Variants in PXDNL observed in about 807,000 individuals in gnomAD.
PXDNL encodes the protein peroxidasin like, also known as probable oxidoreductase PXDNL.
PXDNL carries 145 observed loss-of-function variants against 150.8 expected under a neutral mutation model. The observed-to-expected ratio is 0.96, with a 90% confidence interval of 0.84 to 1.10. PXDNL has a LOEUF of 1.10. Among genes scored for constraint, PXDNL ranks in the 50% least tolerant of loss-of-function variants. The pLI, the probability that PXDNL is intolerant of heterozygous loss-of-function variation, is 0.00. For synonymous variants in PXDNL, 757 were observed against 725.7 expected (o/e 1.04, Z -0.69); for missense variants, 2,087 against 1,873.9 (o/e 1.11, Z -2.10).
intron 19 of PXDNL, among the ~76,000 whole-genome samples, chr8:51,351,865 A>G (rs192065895): frequency 2.6e-5 from 4 of 152,182 alleles, no homozygotes; most frequent in Admixed American, 2.0e-4. Flanking sequence ...GAAAAATGTT[A>G]TCTCCACAAC....
chr8:51,617,193 A>G (rs1814147530), intron 2 of PXDNL, among the ~76,000 whole-genome samples: 1 of 152,236 alleles, frequency 6.6e-6, no homozygotes, highest in Admixed American at 6.5e-5. Flanking sequence ...ATCTTCCTCA[A>G]TCTCTATAAA....
chr8:51,691,351 G>A (rs1275999567), intron 1 of PXDNL, among the ~76,000 whole-genome samples: 4 of 152,118 alleles, frequency 2.6e-5, no homozygotes, highest in Non-Finnish European at 5.9e-5. Flanking sequence ...TTTGTATAAG[G>A]TGTAAGGAAG....
At chr8:51,793,916 T>TG (rs2037537523) in intron 1 of PXDNL, among the ~76,000 whole-genome samples, 1 of 150,158 alleles carries the variant, frequency 6.7e-6, no homozygotes, top group African/African-American at 2.5e-5. Flanking sequence ...CAACAAAAGA[T>TG]GGAAAAAAAA....
intron 8 of PXDNL, among the ~76,000 whole-genome samples, chr8:51,470,386 G>T (rs1810300613): frequency 6.6e-6 from 1 of 151,898 alleles, no homozygotes; most frequent in African/African-American, 2.4e-5. Context: ...AAGCAAAAAA[G>T]TTGTATAATA....
At chr8:51,453,045 C>T (rs1809845363) in intron 10 of PXDNL, among the ~76,000 whole-genome samples, 1 of 152,012 alleles carries the variant, frequency 6.6e-6, no homozygotes, top group South Asian at 2.1e-4. Flanking sequence ...CGATTGCATG[C>T]CCATGCATAT....
chr8:51,666,576 G>A (rs1252151888), intron 1 of PXDNL, among the ~76,000 whole-genome samples: 1 of 151,814 alleles, frequency 6.6e-6, no homozygotes, highest in Non-Finnish European at 1.5e-5. Flanking sequence ...CTAATAAATG[G>A]GCGTACCAAA....
chr8:51,517,126 T>A (rs1585542610), intron 4 of PXDNL, among the ~76,000 whole-genome samples: 1 of 152,198 alleles, frequency 6.6e-6, no homozygotes, highest in Non-Finnish European at 1.5e-5. Flanking sequence ...GATTGAATAT[T>A]ATATTTGCCC....
chr8:51,402,141 T>C (rs538686595), intron 17 of PXDNL, among the ~76,000 whole-genome samples: 1 of 152,328 alleles, frequency 6.6e-6, no homozygotes, highest in East Asian at 1.9e-4. Context: ...TTTGTTAATT[T>C]GTCTATTTTT....
At chr8:51,608,720 C>A (rs1198897250) in intron 2 of PXDNL, among the ~76,000 whole-genome samples, 1 of 150,096 alleles carries the variant, frequency 6.7e-6, no homozygotes, top group Non-Finnish European at 1.5e-5. Flanking sequence ...GCCTGTAGTC[C>A]CAGCTGCTCG....
intron 1 of PXDNL, among the ~76,000 whole-genome samples, chr8:51,719,021 C>A (rs113320784): frequency 6.6e-6 from 1 of 151,832 alleles, no homozygotes; most frequent in African/African-American, 2.4e-5. Flanking sequence ...CCAGCCGCCC[C>A]GTCCGGGAGG....
intron 2 of PXDNL, among the ~76,000 whole-genome samples, chr8:51,612,817 G>C (rs1312524573): frequency 1.3e-5 from 2 of 152,200 alleles, no homozygotes; most frequent in African/African-American, 4.8e-5. Flanking sequence ...TTATTCATAA[G>C]CCACTCAGTC....
At chr8:51,765,015 C>A (rs549789269) in intron 1 of PXDNL, among the ~76,000 whole-genome samples, 1 of 152,092 alleles carries the variant, frequency 6.6e-6, no homozygotes, top group South Asian at 2.1e-4. Context: ...ATGAACTAAC[C>A]ATTTCATTAT....
intron 3 of PXDNL, among the ~76,000 whole-genome samples, chr8:51,560,642 A>G (rs1467944293): frequency 6.6e-6 from 1 of 151,958 alleles, no homozygotes; most frequent in African/African-American, 2.4e-5. Flanking sequence ...ACCATATACA[A>G]AAATTAACTC....
chr8:51,750,533 T>C (rs4554456), intron 1 of PXDNL, among the ~76,000 whole-genome samples: 123,167 of 152,116 alleles, frequency 0.81, 49,958 homozygotes, highest in East Asian at 0.88. Context: ...ATGGGACCAC[T>C]GTCATATACA....
At chr8:51,642,409 T>A (rs1788647307) in intron 2 of PXDNL, among the ~76,000 whole-genome samples, 1 of 152,010 alleles carries the variant, frequency 6.6e-6, no homozygotes, top group Admixed American at 6.6e-5. Context: ...ATAAACATAA[T>A]CCAGCATATA....
At chr8:51,562,690 G>T (rs962184122) in intron 3 of PXDNL, among the ~76,000 whole-genome samples, 5 of 151,960 alleles carry the variant, frequency 3.3e-5, no homozygotes, top group African/African-American at 1.2e-4. Context: ...CAAAATAGTT[G>T]GTAGGTGTGA....
intron 19 of PXDNL, among the ~76,000 whole-genome samples, chr8:51,370,696 A>T (rs1487386809): frequency 6.6e-6 from 1 of 152,206 alleles, no homozygotes; most frequent in Non-Finnish European, 1.5e-5. Flanking sequence ...TCCAGGGTTC[A>T]AGCGATTCTC....
At chr8:51,768,878 G>A (rs752957042) in intron 1 of PXDNL, among the ~76,000 whole-genome samples, 1 of 152,148 alleles carries the variant, frequency 6.6e-6, no homozygotes, top group African/African-American at 2.4e-5. Flanking sequence ...GGCGGATCAC[G>A]AGGTCAGGAG....
At chr8:51,654,631 T>C in intron 2 of PXDNL, 58 bp downstream of exon 2, 3 of 1,302,752 alleles carry the variant, frequency 2.3e-6, no homozygotes, top group Non-Finnish European at 3.3e-6. Context: ...TCACGGTAAA[T>C]TGCCATCCAA....
Sources: gnomAD v4.1 joint callset for allele counts (sites outside exome capture counted in the v4.1 genomes callset) on GRCh38, gnomAD v4.1.1 for gene constraint, MANE v1.5 for transcripts, NCBI Gene and HGNC (gene_info 2026-07-23, HGNC 2026-07-21) for gene names.